Variants in PARN observed in about 807,000 individuals in gnomAD.
PARN encodes the protein poly(A)-specific ribonuclease, also known as poly(A)-specific ribonuclease PARN.
PARN carries 71 observed loss-of-function variants against 102.8 expected under a neutral mutation model. That is an observed-to-expected ratio of 0.69 (90% CI 0.57 to 0.84). PARN has a LOEUF of 0.84. Ranked by LOEUF, PARN falls within the 40% of genes least tolerant of loss-of-function variation. PARN has a pLI of 0.00. For synonymous variants in PARN, 261 were observed against 252.9 expected (o/e 1.03, Z -0.30); for missense variants, 782 against 760.9 (o/e 1.03, Z -0.33).
intron 13 of PARN, among the ~76,000 whole-genome samples, chr16:14,590,549 C>T (rs1254052994): frequency 2.0e-5 from 3 of 150,002 alleles, no homozygotes; most frequent in East Asian, 2.0e-4. Context: ...GAAGGAGAGT[C>T]GCTTGAACCC....
At chr16:14,616,647 G>C (rs1211459421) in intron 6 of PARN, among the ~76,000 whole-genome samples, 6 of 152,110 alleles carry the variant, frequency 3.9e-5, no homozygotes, top group Non-Finnish European at 8.8e-5. Flanking sequence ...GGGAGGGTGA[G>C]GTGGGAGGAT....
chr16:14,538,686 A>G (rs1222823367), intron 21 of PARN, among the ~76,000 whole-genome samples: 1 of 152,196 alleles, frequency 6.6e-6, no homozygotes, highest in Non-Finnish European at 1.5e-5. Context: ...TCCAGCTAAC[A>G]TAGGCCCTAA....
intron 6 of PARN, among the ~76,000 whole-genome samples, chr16:14,616,282 T>C (rs1166245334): frequency 6.6e-6 from 1 of 152,202 alleles, no homozygotes; most frequent in East Asian, 1.9e-4. Context: ...ACCTCCCTGA[T>C]GTAGAAGAGA....
chr16:14,582,343 T>C (rs377636003), intron 16 of PARN, 52 bp from the exon 17 acceptor site: 50 of 1,160,348 alleles, frequency 4.3e-5, no homozygotes, highest in East Asian at 2.6e-4. Context: ...AGTAAGCACA[T>C]TGCCCTACCA....
chr16:14,467,691 C>T (rs931215429), intron 22 of PARN, among the ~76,000 whole-genome samples: 15 of 152,180 alleles, frequency 9.9e-5, no homozygotes, highest in Non-Finnish European at 1.5e-4. Flanking sequence ...CATACTCCTA[C>T]CTTCAGGTGG....
intron 21 of PARN, among the ~76,000 whole-genome samples, chr16:14,519,341 TGGAGGGGAGGGGAGG>T (rs1209638046): frequency 1.8e-4 from 1 of 5,710 alleles, no homozygotes; most frequent in Non-Finnish European, 3.5e-4. Flanking sequence ...GAGTGGAGGG[TGGAGGGGAGGGGAGG>T]GGAGGGGAGG....
chr16:14,452,981 C>T lies in PARN; in HGVS notation c.1671-5900G>A, dbSNP rs573221919. The stretch of plus-strand genomic sequence containing the variant: ...CTGTGCATGTGTGTGTATGTGCATG[C>T]GTGTGTGTAGCACTCTCAATACCTG... On this transcript the variant is annotated intron_variant, in intron 22 of 23. Transcript: ENST00000437198. 5.9e-5 allele frequency among the ~76,000 whole-genome samples: 9 copies of T among 152,190 alleles called. No homozygotes were observed. The South Asian group carries it at 1.2e-3, about 21-fold the overall frequency.
chr16:14,617,382 CAAAAAAAAAAAAA>C (rs66483121), intron 6 of PARN, among the ~76,000 whole-genome samples, 195 bp downstream of exon 6: 8 of 91,872 alleles, frequency 8.7e-5, no homozygotes, highest in Non-Finnish European at 1.7e-4. Context: ...AGACTCTTCT[CAAAAAAAAAAAAA>C]AAAAAAAAAT....
At chr16:14,499,679 G>C (rs1460019537) in intron 21 of PARN, among the ~76,000 whole-genome samples, 2 of 152,028 alleles carry the variant, frequency 1.3e-5, no homozygotes, top group Non-Finnish European at 2.9e-5. Flanking sequence ...AAACCAACTG[G>C]TTAGATAAAA....
intron 11 of PARN, 95 bp from the exon 12 acceptor site, chr16:14,600,055 G>T (rs540251207): frequency 3.0e-6 from 2 of 668,862 alleles, no homozygotes; most frequent in Non-Finnish European, 2.4e-6. Flanking sequence ...CTGAAATTTT[G>T]TATCAAGTTA....
intron 21 of PARN, among the ~76,000 whole-genome samples, chr16:14,486,587 C>T (rs1455063065): frequency 6.6e-6 from 1 of 152,184 alleles, no homozygotes; most frequent in Non-Finnish European, 1.5e-5. Context: ...TATCTGAGCA[C>T]ATTTGGAATT....
At chr16:14,563,462 G>C (rs1968206126) in intron 18 of PARN, among the ~76,000 whole-genome samples, 1 of 148,812 alleles carries the variant, frequency 6.7e-6, no homozygotes, top group Non-Finnish European at 1.5e-5. Flanking sequence ...GTTTTAATGT[G>C]TTTGAAAATT....
chr16:14,538,210 T>C (rs1966695594), intron 21 of PARN, among the ~76,000 whole-genome samples: 1 of 151,246 alleles, frequency 6.6e-6, no homozygotes, highest in African/African-American at 2.4e-5. Context: ...TATTTTCAAA[T>C]ATTTTTCACT....
chr16:14,569,614 G>GCAGTA (rs1968664694), intron 18 of PARN, among the ~76,000 whole-genome samples: 1 of 152,106 alleles, frequency 6.6e-6, no homozygotes, highest in South Asian at 2.1e-4. Flanking sequence ...TAAACATAAG[G>GCAGTA]CAGTAATACA....
chr16:14,466,407 G>C (rs995785774), intron 22 of PARN, among the ~76,000 whole-genome samples: 7 of 152,122 alleles, frequency 4.6e-5, no homozygotes, highest in Admixed American at 2.6e-4. Flanking sequence ...GCGATGTTAA[G>C]TCATGACTTG....
intron 12 of PARN, among the ~76,000 whole-genome samples, chr16:14,594,401 G>A (rs550596952): frequency 2.1e-4 from 32 of 152,254 alleles, no homozygotes; most frequent in Non-Finnish European, 3.7e-4. Context: ...TAGCCAGCCA[G>A]GTGACACCAT....
At chr16:14,613,250 G>A (rs528238205) in intron 6 of PARN, among the ~76,000 whole-genome samples, 7 of 150,790 alleles carry the variant, frequency 4.6e-5, no homozygotes, top group South Asian at 4.2e-4. Context: ...CAGAGGTTGC[G>A]GTGAGTCAAG....
chr16:14,488,228 C>T lies in PARN; in HGVS notation c.1481-5401G>A, dbSNP rs145698576. ...AATTGGATTCTTAGTCACACCATGC[C>T]GAAAAATTCACTCCAGATGGATGAA... On this transcript the variant is annotated intron_variant, in intron 21 of 23. Transcript: ENST00000437198. Among the ~76,000 whole-genome samples the T allele has an allele frequency of 4.9e-3, 750 of 152,058 alleles. 5 individuals are homozygous for T. The highest frequency in any genetic ancestry group is 0.017 in the African/African-American group (713 of 41,498).
At chr16:14,454,659 C>T (rs1961602776) in intron 22 of PARN, among the ~76,000 whole-genome samples, 1 of 152,070 alleles carries the variant, frequency 6.6e-6, no homozygotes, top group Admixed American at 6.5e-5. Context: ...TGTATGTAGA[C>T]AAAGCCTTCC....
Sources: gnomAD v4.1 joint callset for allele counts (sites outside exome capture counted in the v4.1 genomes callset) on GRCh38, gnomAD v4.1.1 for gene constraint, MANE v1.5 for transcripts, NCBI Gene and HGNC (gene_info 2026-07-23, HGNC 2026-07-21) for gene names.